KIAA1217: variants seen among roughly 807,000 people sequenced by gnomAD.
KIAA1217 encodes sickle tail protein homolog.
In KIAA1217, 88 loss-of-function variants were observed where a neutral mutation model predicts 163.9. The ratio of observed to expected loss-of-function variants is 0.54; its 90% CI spans 0.45 to 0.64. The LOEUF (loss-of-function observed/expected upper bound fraction) is 0.64. Among genes scored for constraint, KIAA1217 ranks in the 30% least tolerant of loss-of-function variants. KIAA1217 has a pLI of 0.00. For synonymous variants in KIAA1217, 903 were observed against 923.1 expected (o/e 0.98, Z 0.39); for missense variants, 2,372 against 2,475.0 (o/e 0.96, Z 0.88).
chr10:23,865,255 T>A (rs911513333), intron 1 of KIAA1217, among the ~76,000 whole-genome samples: 1 of 152,196 alleles, frequency 6.6e-6, no homozygotes. Context: ...TTAGAATTAT[T>A]TGTAATTAAT....
chr10:24,207,744 C>A (rs1467730069), upstream of KIAA1217, among the ~76,000 whole-genome samples: 3 of 152,186 alleles, frequency 2.0e-5, no homozygotes, highest in East Asian at 5.8e-4. Context: ...GTGAGTGTAA[C>A]TCACTTCCTG....
chr10:23,847,993 G>T (rs1049158232), intron 1 of KIAA1217, among the ~76,000 whole-genome samples: 1 of 152,126 alleles, frequency 6.6e-6, no homozygotes, highest in Non-Finnish European at 1.5e-5. Flanking sequence ...TCATTCAGGG[G>T]CAGGTTGTTC....
chr10:23,909,681 T>A (rs535110289), intron 1 of KIAA1217, among the ~76,000 whole-genome samples: 2 of 152,318 alleles, frequency 1.3e-5, no homozygotes, highest in East Asian at 3.9e-4. Context: ...ATTTTCTTTA[T>A]CCAGTCTATC....
intron 2 of KIAA1217, among the ~76,000 whole-genome samples, chr10:24,269,501 G>T (rs75290442): frequency 0.023 from 3,553 of 152,222 alleles, 130 homozygotes; most frequent in African/African-American, 0.081. Context: ...TCCAGCTTGG[G>T]CAACAGAGTG....
intron 2 of KIAA1217, among the ~76,000 whole-genome samples, chr10:24,059,139 T>C (rs973782482): frequency 6.6e-6 from 1 of 152,202 alleles, no homozygotes; most frequent in Non-Finnish European, 1.5e-5. Flanking sequence ...GATGAGCATG[T>C]GATTTTTAGC....
At chr10:23,821,110 T>C (rs1190849471) in intron 1 of KIAA1217, among the ~76,000 whole-genome samples, 13 of 129,678 alleles carry the variant, frequency 1.0e-4, no homozygotes, top group Admixed American at 2.2e-4. Context: ...TGTGCGTGTG[T>C]GTGTGTGTGT....
intron 1 of KIAA1217, among the ~76,000 whole-genome samples, chr10:23,918,134 T>A (rs1842699402): frequency 6.7e-6 from 1 of 149,172 alleles, no homozygotes; most frequent in South Asian, 2.1e-4. Context: ...CATGTCAGCC[T>A]CCAGAGTAGC....
chr10:23,704,904 C>G (rs1836784212), intron 1 of KIAA1217, among the ~76,000 whole-genome samples: 1 of 152,126 alleles, frequency 6.6e-6, no homozygotes, highest in South Asian at 2.1e-4. Flanking sequence ...GCAGCTGCAT[C>G]ATCTTACATT....
chr10:23,709,211 G>C (rs1837076484), intron 1 of KIAA1217, among the ~76,000 whole-genome samples: 1 of 152,090 alleles, frequency 6.6e-6, no homozygotes, highest in Non-Finnish European at 1.5e-5. Context: ...AGCAGTAGTG[G>C]AGGAAAATTC....
intron 1 of KIAA1217, among the ~76,000 whole-genome samples, chr10:23,948,014 G>C (rs887425589): frequency 1.1e-4 from 16 of 152,132 alleles, no homozygotes; most frequent in African/African-American, 3.9e-4. Context: ...AATCTGATAT[G>C]TTATCTGAGT....
At chr10:23,833,043 T>G (rs1175846151) in intron 1 of KIAA1217, among the ~76,000 whole-genome samples, 1 of 152,210 alleles carries the variant, frequency 6.6e-6, no homozygotes, top group East Asian at 1.9e-4. Flanking sequence ...AAGATGAGAT[T>G]TGGGTGGGGA....
chr10:24,280,967 G>C (rs1217992443), intron 2 of KIAA1217, among the ~76,000 whole-genome samples: 1 of 152,196 alleles, frequency 6.6e-6, no homozygotes, highest in Non-Finnish European at 1.5e-5. Flanking sequence ...GTATTCCATA[G>C]ATGGGGATGT....
At chr10:24,519,131 G>A (rs1236959812) in intron 10 of KIAA1217, among the ~76,000 whole-genome samples, 1 of 152,036 alleles carries the variant, frequency 6.6e-6, no homozygotes, top group African/African-American at 2.4e-5. Flanking sequence ...TTTCTCTTTC[G>A]GACGCTGGCT....
intron 2 of KIAA1217, among the ~76,000 whole-genome samples, chr10:24,126,451 T>C (rs1357254856): frequency 6.6e-6 from 1 of 152,212 alleles, no homozygotes; most frequent in African/African-American, 2.4e-5. Context: ...TGTTCATTTA[T>C]CCAAACTTCT....
At chr10:23,818,038 CATATATAT>C (rs540574659) in intron 1 of KIAA1217, among the ~76,000 whole-genome samples, 1 of 61,516 alleles carries the variant, frequency 1.6e-5, no homozygotes, top group East Asian at 4.2e-4. Flanking sequence ...CATATATATA[CATATATAT>C]ACACATATAT....
intron 1 of KIAA1217, among the ~76,000 whole-genome samples, chr10:23,983,267 A>G (rs1845843833): frequency 1.3e-5 from 2 of 152,194 alleles, no homozygotes; most frequent in Admixed American, 6.5e-5. Context: ...AAAAACTGAA[A>G]CAAGTAATCC....
chr10:24,392,719 A>G (rs560122619), intron 3 of KIAA1217, among the ~76,000 whole-genome samples: 62 of 152,224 alleles, frequency 4.1e-4, no homozygotes, highest in Non-Finnish European at 7.8e-4. Flanking sequence ...CGGGAATGAC[A>G]TTGGAAATTT....
chr10:24,465,218 A>G (rs962280434), intron 5 of KIAA1217, among the ~76,000 whole-genome samples: 1 of 152,212 alleles, frequency 6.6e-6, no homozygotes, highest in Admixed American at 6.5e-5. Context: ...AAGAGCTTCC[A>G]CATTCCTTCT....
chr10:23,738,069 G>T (rs11013686), intron 1 of KIAA1217, among the ~76,000 whole-genome samples: 34,772 of 151,700 alleles, frequency 0.23, 4,315 homozygotes, highest in African/African-American at 0.32. Context: ...CTCCCTCCAC[G>T]CATAATACTC....
Sources: gnomAD v4.1 joint callset for allele counts (sites outside exome capture counted in the v4.1 genomes callset) on GRCh38, gnomAD v4.1.1 for gene constraint, MANE v1.5 for transcripts, NCBI Gene and HGNC (gene_info 2026-07-23, HGNC 2026-07-21) for gene names.